ANKAR: variants seen among roughly 807,000 people sequenced by gnomAD.
ANKAR encodes ankyrin and armadillo repeat-containing protein.
A neutral mutation model predicts 146.2 loss-of-function variants in ANKAR; 136 were observed. That is an observed-to-expected ratio of 0.93 (90% CI 0.81 to 1.07). ANKAR has a LOEUF of 1.07. Among genes scored for constraint, ANKAR ranks in the 50% least tolerant of loss-of-function variants. The probability of loss-of-function intolerance (pLI) is 0.00; values close to 1 mark genes in which losing one functional copy is unlikely to be tolerated. For missense variants in ANKAR, 1,567 were observed against 1,679.9 expected (o/e 0.93, Z 1.18); for synonymous variants, 500 against 575.8 (o/e 0.87, Z 1.88).
rs1435094249 is a variant in ANKAR at position 189,719,556 on chromosome 2, G to C, written c.2225-16G>C. 6.4e-7 allele frequency: 1 copy of C among 1,550,674 alleles called. No homozygotes were observed. The highest frequency in any genetic ancestry group is 8.8e-7 in the Non-Finnish European group (1 of 1,140,498). Reference sequence around the variant, plus strand: ...ATAATTCATGCTTTTTAATTTTTTTGCTCTTGTCATTACAGGCACCATTCC... The same window carrying C: ...ATAATTCATGCTTTTTAATTTTTTTCCTCTTGTCATTACAGGCACCATTCC... On this transcript the variant is annotated splice_polypyrimidine_tract_variant and intron_variant, in intron 10 of 22. Coordinates refer to ENST00000684021, the MANE Select transcript of ANKAR (RefSeq NM_001378068.1).
At chr2:189,685,555 T>C (rs1264740547) in intron 2 of ANKAR, among the ~76,000 whole-genome samples, 1 of 152,220 alleles carries the variant, frequency 6.6e-6, no homozygotes, top group Non-Finnish European at 1.5e-5. Flanking sequence ...GCTTCTTTCA[T>C]CTGAGAGGCT....
chr2:189,752,751 C>A (rs766790448), intron 18 of ANKAR: 17 of 1,613,460 alleles, frequency 1.1e-5, no homozygotes, highest in Non-Finnish European at 1.4e-5. Context: ...AAAATAAAAT[C>A]AATAGCTCCA....
chr2:189,725,531 C>G (rs1194650381), intron 12 of ANKAR, among the ~76,000 whole-genome samples: 1 of 152,122 alleles, frequency 6.6e-6, no homozygotes, highest in East Asian at 1.9e-4. Flanking sequence ...CTATCTATAT[C>G]TATAGGCATA....
At chr2:189,741,300 A>G (rs1432364717) in intron 19 of ANKAR, 42 bp from the exon 20 acceptor site, 2 of 1,450,012 alleles carry the variant, frequency 1.4e-6, no homozygotes, top group Non-Finnish European at 1.9e-6. Flanking sequence ...ATAAGTTTAT[A>G]TCAATTAAAT....
At chr2:189,756,263 T>C (rs926041053) in intron 18 of ANKAR, among the ~76,000 whole-genome samples, 1 of 152,156 alleles carries the variant, frequency 6.6e-6, no homozygotes, top group Non-Finnish European at 1.5e-5. Flanking sequence ...TTTTGGTCCA[T>C]GTAGGATGGT....
At chr2:189,734,408 G>T (rs1160245019) in intron 17 of ANKAR, among the ~76,000 whole-genome samples, 4 of 152,162 alleles carry the variant, frequency 2.6e-5, no homozygotes, top group Admixed American at 6.5e-5. Context: ...CTATAAAGAA[G>T]ATTTGTTTCT....
chr2:189,697,509 A>G (rs2037398241), intron 7 of ANKAR, among the ~76,000 whole-genome samples: 1 of 152,160 alleles, frequency 6.6e-6, no homozygotes, highest in Non-Finnish European at 1.5e-5. Context: ...TTGAATATCC[A>G]TAAATTCTGT....
chr2:189,698,006 T>C (rs2037490816), intron 7 of ANKAR, among the ~76,000 whole-genome samples: 1 of 152,164 alleles, frequency 6.6e-6, no homozygotes, highest in Non-Finnish European at 1.5e-5. Context: ...CTTATTCATA[T>C]GAGTCTTCTT....
chr2:189,753,191 G>T, intron 18 of ANKAR: 2 of 323,660 alleles, frequency 6.2e-6, no homozygotes, highest in East Asian at 5.2e-5. Flanking sequence ...TAGCATTTTT[G>T]TATATTTTCT....
chr2:189,699,209 A>G (rs1292907711), intron 7 of ANKAR, among the ~76,000 whole-genome samples: 1 of 152,148 alleles, frequency 6.6e-6, no homozygotes, highest in Non-Finnish European at 1.5e-5. Flanking sequence ...GCTCTAAGGT[A>G]TTCTACACAG....
chr2:189,704,544 CATATATATATATATATATATAT>C (rs10578902), intron 7 of ANKAR, among the ~76,000 whole-genome samples: 1,460 of 36,502 alleles, frequency 0.04, 74 homozygotes, highest in Admixed American at 0.16. Flanking sequence ...CCTTTGTTAA[CATATATATATATATATATATAT>C]ATATATATAT....
intron 18 of ANKAR, among the ~76,000 whole-genome samples, chr2:189,758,283 A>AG (rs1553542205): frequency 2.0e-5 from 3 of 151,560 alleles, no homozygotes; most frequent in Non-Finnish European, 4.4e-5. Flanking sequence ...CTGAAGGCTG[A>AG]GGGGGGAGAA....
At position 189,693,162 on chromosome 2, in the gene ANKAR, A is replaced by G. The variant is rs1291263058; in HGVS notation, c.1292A>G (p.Glu431Gly). 1.3e-6 allele frequency: 2 copies of G among 1,556,100 alleles called. No homozygotes were observed. Among genetic ancestry groups the G allele is most frequent in the Non-Finnish European group, 1.7e-6 (2 of 1,143,048 alleles). The change falls in exon 5 of 23, where the codon GAA (glutamate) becomes GGA (glycine). Residue 431 changes from glutamate (E) to glycine (G), a missense_variant. Transcript: ENST00000684021. ...GAATATTACTCAATACCAGTCATGG[A>G]ATTTCATGGAAAAAGGTACGGAGCT... The part of the protein sequence containing the change: ...YKEYYSIPVM[E>G]FHGKSYYVIY...
chr2:189,728,092 C>T lies in ANKAR; in HGVS notation c.2872C>T (p.Leu958=). The change falls in exon 13 of 23, where the codon CTA becomes TTA. Residue 958 remains leucine (L), a synonymous_variant. Coordinates refer to ENST00000684021, the MANE Select transcript of ANKAR (RefSeq NM_001378068.1). ...GTTAACTAAATATCTTTTAAAACTCCTAAAGGTAGGAATTTTATGATTACT... is the reference window on the plus strand; with the variant it reads ...GTTAACTAAATATCTTTTAAAACTCTTAAAGGTAGGAATTTTATGATTACT... ...KSLTKYLLKL[L]KAFQIDVKEQ... is the part of the protein sequence containing the mutation. The T allele has an allele frequency of 6.2e-7, 1 of 1,602,506 alleles. No homozygotes were observed.
intron 21 of ANKAR, 109 bp downstream of exon 21, chr2:189,743,583 CCTGT>C: frequency 3.1e-6 from 3 of 975,226 alleles, no homozygotes; most frequent in Non-Finnish European, 4.5e-6. Flanking sequence ...GAACATATCT[CCTGT>C]ATAGCAGAGG....
At chr2:189,750,530 A>C, downstream of ANKAR, 1 of 958,704 alleles carries the variant, frequency 1.0e-6, no homozygotes, top group Non-Finnish European at 1.6e-6. Context: ...ATAAAAACTT[A>C]ATTTTAACCT....
At chr2:189,737,559 A>G in intron 17 of ANKAR, 124 bp from the exon 18 acceptor site, 1 of 785,386 alleles carries the variant, frequency 1.3e-6, no homozygotes, top group African/African-American at 1.8e-5. Context: ...TTCCCTAGTA[A>G]TGTCATATTT....
intron 9 of ANKAR, among the ~76,000 whole-genome samples, chr2:189,709,516 A>G (rs1201946722): frequency 1.3e-5 from 2 of 152,234 alleles, no homozygotes; most frequent in African/African-American, 2.4e-5. Context: ...AATCATGCAC[A>G]TGCATTACTT....
At chr2:189,715,416 T>G (rs1394941820) in intron 10 of ANKAR, among the ~76,000 whole-genome samples, 2 of 152,124 alleles carry the variant, frequency 1.3e-5, no homozygotes. Flanking sequence ...GAATAGACCA[T>G]TAACAGGCTC....
Sources: gnomAD v4.1 joint callset for allele counts (sites outside exome capture counted in the v4.1 genomes callset) on GRCh38, gnomAD v4.1.1 for gene constraint, MANE v1.5 for transcripts, NCBI Gene and HGNC (gene_info 2026-07-23, HGNC 2026-07-21) for gene names.